RPS6KC1: variants seen among roughly 807,000 people sequenced by gnomAD.
RPS6KC1 encodes ribosomal protein S6 kinase C1.
RPS6KC1 carries 54 observed loss-of-function variants against 103.8 expected under a neutral mutation model. The ratio of observed to expected loss-of-function variants is 0.52; its 90% CI spans 0.42 to 0.65. The LOEUF is 0.65. Ranked by LOEUF, RPS6KC1 falls within the 30% of genes least tolerant of loss-of-function variation. The pLI, the probability that RPS6KC1 is intolerant of heterozygous loss-of-function variation, is 0.00. For synonymous variants in RPS6KC1, 439 were observed against 438.7 expected, an observed-to-expected ratio of 1.00 and a Z score of -0.01; for missense variants, 1,151 against 1,253.8, an observed-to-expected ratio of 0.92 and a Z score of 1.24.
In RPS6KC1 at chr1:213,262,841, G is replaced by A. The variant is rs772195271; in HGVS notation, c.3090+25G>A. 3.4e-5 allele frequency: 47 copies of A among 1,376,662 alleles called. 3 individuals are homozygous for A. In the South Asian group the frequency reaches 4.9e-4, roughly 14 times the overall value. The allele number at this position is 1,376,662 out of a possible 1,614,324, so 85.3% of individuals were successfully genotyped here. On this transcript the variant is annotated intron_variant, in intron 14 of 14. Coordinates refer to ENST00000366960, the MANE Select transcript of RPS6KC1 (RefSeq NM_012424.6). Reference sequence around the variant, plus strand: ...GGTAATTTAACTGACCTATTGGCCAGGTTTATCAACCATGCAGATTAGCAG... The same window carrying A: ...GGTAATTTAACTGACCTATTGGCCAAGTTTATCAACCATGCAGATTAGCAG...
chr1:213,281,662 ACT>A, the RPS6KC1 span, among the ~76,000 whole-genome samples: 8 of 151,966 alleles, frequency 5.3e-5, no homozygotes, highest in African/African-American at 4.8e-5. Flanking sequence ...TGATGTTGCC[ACT>A]CTCTGTCCCT....
chr1:213,524,554 G>C, the RPS6KC1 span, among the ~76,000 whole-genome samples: 1 of 152,164 alleles, frequency 6.6e-6, no homozygotes, highest in South Asian at 2.1e-4. Flanking sequence ...TTCTGTCATT[G>C]AGGACCTATC....
chr1:213,175,170 C>G (rs2091782770), intron 7 of RPS6KC1, among the ~76,000 whole-genome samples: 1 of 152,150 alleles, frequency 6.6e-6, no homozygotes, highest in Non-Finnish European at 1.5e-5. Context: ...CCTCCTTTCT[C>G]TCTCCTCTCC....
the RPS6KC1 span, among the ~76,000 whole-genome samples, chr1:213,751,574 G>A: frequency 2.6e-3 from 391 of 152,258 alleles, 3 homozygotes; most frequent in African/African-American, 5.0e-3. Context: ...GCTGGTGGAG[G>A]CTGAGCTCTC....
At chr1:213,829,955 A>C in the RPS6KC1 span, among the ~76,000 whole-genome samples, 5 of 152,324 alleles carry the variant, frequency 3.3e-5, no homozygotes, top group African/African-American at 7.2e-5. Context: ...ACTTGGCAGA[A>C]GCCGCTCTCA....
At chr1:213,317,592 ATG>A in the RPS6KC1 span, among the ~76,000 whole-genome samples, 7 of 152,236 alleles carry the variant, frequency 4.6e-5, no homozygotes, top group African/African-American at 1.7e-4. Context: ...TGGGGCATCA[ATG>A]TATGAATTTG....
At chr1:213,756,418 A>G in the RPS6KC1 span, among the ~76,000 whole-genome samples, 1 of 152,194 alleles carries the variant, frequency 6.6e-6, no homozygotes, top group Non-Finnish European at 1.5e-5. Flanking sequence ...GTACAGGCAT[A>G]CCTTGTTTTA....
At chr1:213,224,056 A>G (rs192829562) in intron 8 of RPS6KC1, among the ~76,000 whole-genome samples, 2 of 152,270 alleles carry the variant, frequency 1.3e-5, no homozygotes, top group Non-Finnish European at 2.9e-5. Flanking sequence ...AACTCTCCAC[A>G]CTTCTTCACC....
At chr1:213,406,199 A>G in the RPS6KC1 span, among the ~76,000 whole-genome samples, 1 of 152,138 alleles carries the variant, frequency 6.6e-6, no homozygotes, top group Admixed American at 6.6e-5. Context: ...CCCACCTGGA[A>G]TGTTTAGGAG....
chr1:213,606,840 T>A, the RPS6KC1 span, among the ~76,000 whole-genome samples: 1 of 152,190 alleles, frequency 6.6e-6, no homozygotes, highest in East Asian at 1.9e-4. Context: ...GTAATAATGA[T>A]AAAGGATAAG....
intron 8 of RPS6KC1, among the ~76,000 whole-genome samples, chr1:213,178,500 C>A (rs1011565437): frequency 2.2e-4 from 33 of 151,786 alleles, no homozygotes; most frequent in Non-Finnish European, 4.3e-4. Context: ...GAGATTGTGC[C>A]ACTGTACTGC....
the RPS6KC1 span, among the ~76,000 whole-genome samples, chr1:213,337,266 C>T: frequency 2.0e-5 from 3 of 152,216 alleles, no homozygotes; most frequent in African/African-American, 7.2e-5. Flanking sequence ...CTCAGCCAGC[C>T]TGCATTATTT....
the RPS6KC1 span, among the ~76,000 whole-genome samples, chr1:213,402,695 G>A: frequency 6.6e-6 from 1 of 152,164 alleles, no homozygotes; most frequent in Non-Finnish European, 1.5e-5. Context: ...GAATGAACAG[G>A]TATGTGCCTG....
Position 213,112,518 on chromosome 1 carries a change from A to G in RPS6KC1, c.379-4799A>G, listed in dbSNP as rs143298825. Among the ~76,000 whole-genome samples the G allele has an allele frequency of 8.2e-3, 1,238 of 151,566 alleles. 13 individuals carry two copies. Among genetic ancestry groups the G allele is most frequent in the Non-Finnish European group, 0.013 (854 of 67,836 alleles). Reference sequence around the variant, plus strand: ...TACCTTAATTTTTTTTGTTTTACCTATATTGTATACAAGTGGTTCTCAAAC... The same window carrying G: ...TACCTTAATTTTTTTTGTTTTACCTGTATTGTATACAAGTGGTTCTCAAAC... On this transcript the variant is annotated intron_variant, in intron 4 of 14. Coordinates refer to ENST00000366960, the MANE Select transcript of RPS6KC1 (RefSeq NM_012424.6).
chr1:213,217,266 A>G (rs2093691483), intron 8 of RPS6KC1, among the ~76,000 whole-genome samples: 1 of 151,956 alleles, frequency 6.6e-6, no homozygotes, highest in South Asian at 2.1e-4. Flanking sequence ...AAACTAGAAA[A>G]TCTAGAAGAA....
the RPS6KC1 span, among the ~76,000 whole-genome samples, chr1:213,345,636 T>C: frequency 6.6e-6 from 1 of 152,202 alleles, no homozygotes. Context: ...TTCTAGGGAA[T>C]TGTCTTTCAG....
chr1:213,346,407 A>G, the RPS6KC1 span, among the ~76,000 whole-genome samples: 3 of 152,214 alleles, frequency 2.0e-5, no homozygotes, highest in East Asian at 3.8e-4. Context: ...ACGAGGTAGG[A>G]AGTAGTATTA....
the RPS6KC1 span, among the ~76,000 whole-genome samples, chr1:213,765,279 C>A: frequency 2.0e-5 from 3 of 152,300 alleles, no homozygotes; most frequent in African/African-American, 7.2e-5. Context: ...GGAGACAGAA[C>A]AATTCCATAG....
intron 1 of RPS6KC1, 64 bp downstream of exon 1, chr1:213,051,573 C>T: frequency 1.7e-6 from 2 of 1,210,730 alleles, no homozygotes; most frequent in East Asian, 2.5e-5. Flanking sequence ...GGGTGGGGAC[C>T]CTGATGTGAG....
Sources: gnomAD v4.1 joint callset for allele counts (sites outside exome capture counted in the v4.1 genomes callset) on GRCh38, gnomAD v4.1.1 for gene constraint, MANE v1.5 for transcripts, NCBI Gene and HGNC (gene_info 2026-07-23, HGNC 2026-07-21) for gene names.